The following LMX1A variants were observed in gnomAD, a reference collection of about 807,000 sequenced individuals.
The protein encoded by LMX1A is LIM homeobox transcription factor 1 alpha.
A neutral mutation model predicts 49.1 loss-of-function variants in LMX1A; 15 were observed. That is an observed-to-expected ratio of 0.31 (90% CI 0.20 to 0.47). LMX1A has a LOEUF of 0.47. Ranked by LOEUF, LMX1A falls within the 20% of genes least tolerant of loss-of-function variation. LMX1A has a pLI of 1.00. For missense variants in LMX1A, 372 were observed against 475.8 expected, an observed-to-expected ratio of 0.78 and a Z score of 2.03; for synonymous variants, 167 against 185.7, an observed-to-expected ratio of 0.90 and a Z score of 0.82.
intron 4 of LMX1A, among the ~76,000 whole-genome samples, chr1:165,238,398 T>C (rs1426086342): frequency 1.3e-5 from 2 of 152,208 alleles, no homozygotes; most frequent in South Asian, 2.1e-4. Flanking sequence ...TGAATAATTA[T>C]AAACATAAAA....
At chr1:165,231,744 G>A (rs533151653) in intron 4 of LMX1A, among the ~76,000 whole-genome samples, 36 of 151,776 alleles carry the variant, frequency 2.4e-4, no homozygotes, top group African/African-American at 7.3e-4. Context: ...CTTTCTCCCC[G>A]ATGTAAACTC....
At chr1:165,257,325 T>C (rs374062217) in intron 3 of LMX1A, among the ~76,000 whole-genome samples, 1 of 151,832 alleles carries the variant, frequency 6.6e-6, no homozygotes, top group Non-Finnish European at 1.5e-5. Context: ...TGTAGAAAGA[T>C]CAAGCAGTTA....
chr1:165,233,310 C>T (rs1652304081), intron 4 of LMX1A, among the ~76,000 whole-genome samples: 1 of 152,124 alleles, frequency 6.6e-6, no homozygotes, highest in South Asian at 2.1e-4. Flanking sequence ...TAAAAATTAG[C>T]CAGACATGGT....
At chr1:165,353,333 CG>C (rs1169982964) in intron 2 of LMX1A, 71 bp from the exon 3 acceptor site, 21 of 1,261,786 alleles carry the variant, frequency 1.7e-5, no homozygotes, top group Non-Finnish European at 2.1e-5. Flanking sequence ...GGCCGGGACC[CG>C]CTCCTGATCC....
chr1:165,309,751 T>G (rs921066765), intron 3 of LMX1A, among the ~76,000 whole-genome samples: 2 of 152,222 alleles, frequency 1.3e-5, no homozygotes, highest in Non-Finnish European at 2.9e-5. Flanking sequence ...TGTCTGGAAC[T>G]GAAGGCTTGT....
In LMX1A at chr1:165,341,464, T is replaced by G. The variant is rs894339276; in HGVS notation, c.263+11612A>C. ...CACGTAATTAATTTATCTATTCAAC[T>G]AACATGCATTCACTAAATACTATGC... On this transcript the variant is annotated intron_variant, in intron 3 of 8. Transcript: ENST00000342310. Among the ~76,000 whole-genome samples, 5 of 152,282 alleles carry G rather than the reference T, an allele frequency of 3.3e-5. No homozygotes were observed. In the East Asian group the frequency reaches 9.6e-4, roughly 29 times the overall value.
At chr1:165,262,128 T>C (rs1427345635) in intron 3 of LMX1A, among the ~76,000 whole-genome samples, 1 of 152,186 alleles carries the variant, frequency 6.6e-6, no homozygotes, top group African/African-American at 2.4e-5. Context: ...AACCAAAATA[T>C]AGGTGATTAT....
At chr1:165,289,242 TAAA>T (rs36056880) in intron 3 of LMX1A, among the ~76,000 whole-genome samples, 9 of 147,872 alleles carry the variant, frequency 6.1e-5, no homozygotes, top group Non-Finnish European at 7.5e-5. Flanking sequence ...TGATTATTGA[TAAA>T]AAAAAAAAAA....
chr1:165,259,387 G>T (rs766939728), intron 3 of LMX1A, among the ~76,000 whole-genome samples: 15 of 152,224 alleles, frequency 9.9e-5, no homozygotes, highest in Admixed American at 6.5e-4. Flanking sequence ...TGTTCAGGAA[G>T]TTGTCAGCTC....
chr1:165,298,627 T>TC (rs2101722426), intron 3 of LMX1A, among the ~76,000 whole-genome samples: 1 of 152,354 alleles, frequency 6.6e-6, no homozygotes, highest in African/African-American at 2.4e-5. Flanking sequence ...TCATCTCTTG[T>TC]CAGTGTTCCA....
intron 3 of LMX1A, among the ~76,000 whole-genome samples, chr1:165,271,802 G>T (rs563056377): frequency 1.3e-5 from 2 of 151,466 alleles, no homozygotes; most frequent in Non-Finnish European, 3.0e-5. Flanking sequence ...GGGCTGGGAA[G>T]GATTTAGGTT....
chr1:165,282,663 T>C (rs1654189408), intron 3 of LMX1A, among the ~76,000 whole-genome samples: 1 of 152,144 alleles, frequency 6.6e-6, no homozygotes, highest in South Asian at 2.1e-4. Context: ...CATCCATGCT[T>C]CCACTCATTC....
At chr1:165,239,660 G>T (rs1407492300) in intron 4 of LMX1A, among the ~76,000 whole-genome samples, 2 of 152,202 alleles carry the variant, frequency 1.3e-5, no homozygotes, top group South Asian at 2.1e-4. Context: ...GCAGTTCTAA[G>T]TGCTTCTTGC....
rs1444303214 is a variant in LMX1A at position 165,318,999 on chromosome 1, T to TCTCTCA, written c.263+34076_263+34077insTGAGAG. Among the ~76,000 whole-genome samples the TCTCTCA allele has an allele frequency of 3.3e-3, 394 of 117,804 alleles. 3 individuals are homozygous for TCTCTCA. Among genetic ancestry groups the TCTCTCA allele is most frequent in the African/African-American group, 0.013 (362 of 28,558 alleles). The allele number at this position is 117,804 out of a possible 152,430, so 77.3% of individuals were successfully genotyped here. A position where few individuals can be genotyped will look rare whatever the true frequency, so the allele number is the denominator to read the frequency against. ...CTGAGATCTCCTCTCTCTCTCTCTC[T>TCTCTCA]CACACACACACACACACACACACAC... On this transcript the variant is annotated intron_variant, in intron 3 of 8. Transcript: ENST00000342310.
chr1:165,327,710 GACAC>G (rs898277379), intron 3 of LMX1A, among the ~76,000 whole-genome samples: 10 of 152,196 alleles, frequency 6.6e-5, no homozygotes, highest in African/African-American at 2.4e-4. Context: ...CTTGGGTCTG[GACAC>G]ACCACCCAGG....
chr1:165,296,191 T>A (rs1432740900), intron 3 of LMX1A, among the ~76,000 whole-genome samples: 2 of 152,250 alleles, frequency 1.3e-5, no homozygotes. Flanking sequence ...GCACCAAACA[T>A]GCATGTTTCT....
intron 3 of LMX1A, among the ~76,000 whole-genome samples, chr1:165,331,298 C>T (rs1557887241): frequency 6.6e-6 from 1 of 152,074 alleles, no homozygotes; most frequent in Non-Finnish European, 1.5e-5. Flanking sequence ...TATAAAAAAT[C>T]AAATGAAAAT....
chr1:165,280,063 G>A lies in LMX1A; in HGVS notation c.264-30423C>T, dbSNP rs897642580. Among the ~76,000 whole-genome samples the A allele has an allele frequency of 2.6e-5, 4 of 152,086 alleles. No homozygotes were observed. The South Asian group carries it at 6.2e-4, about 24-fold the overall frequency. ...AAGGGGAAGAATTAGGCTTCACACC[G>A]AGCAGGCTGAACCATGGCATTCTTT... is the stretch of plus-strand genomic sequence containing the variant. On this transcript the variant is annotated intron_variant, in intron 3 of 8. Transcript: ENST00000342310.
chr1:165,297,595 G>T (rs971284289), intron 3 of LMX1A, among the ~76,000 whole-genome samples: 1 of 152,226 alleles, frequency 6.6e-6, no homozygotes. Flanking sequence ...AGACAGTGGG[G>T]ATCAGGATGG....
Sources: gnomAD v4.1 joint callset for allele counts (sites outside exome capture counted in the v4.1 genomes callset) on GRCh38, gnomAD v4.1.1 for gene constraint, MANE v1.5 for transcripts, NCBI Gene and HGNC (gene_info 2026-07-23, HGNC 2026-07-21) for gene names.